Variants in DLGAP2 observed in about 807,000 individuals in gnomAD.
DLGAP2 encodes disks large-associated protein 2.
A neutral mutation model predicts 100.3 loss-of-function variants in DLGAP2; 26 were observed. The ratio of observed to expected loss-of-function variants is 0.26; its 90% CI spans 0.19 to 0.36. The LOEUF is 0.36. Ranked by LOEUF, DLGAP2 falls within the 10% of genes least tolerant of loss-of-function variation. DLGAP2 has a pLI of 1.00. For synonymous variants in DLGAP2, 886 were observed against 630.1 expected, an observed-to-expected ratio of 1.41 and a Z score of -6.08; for missense variants, 1,858 against 1,453.2, an observed-to-expected ratio of 1.28 and a Z score of -4.53.
chr8:1,085,437 A>G (rs572064314), intron 2 of DLGAP2, among the ~76,000 whole-genome samples: 95 of 152,280 alleles, frequency 6.2e-4, no homozygotes, highest in Non-Finnish European at 1.1e-3. Context: ...ACCCAGACCA[A>G]TATTATGTAG....
At chr8:1,539,111 C>G (rs1372849897) in intron 4 of DLGAP2, among the ~76,000 whole-genome samples, 1 of 152,124 alleles carries the variant, frequency 6.6e-6, no homozygotes, top group Non-Finnish European at 1.5e-5. Flanking sequence ...ATCTTGAACT[C>G]TCAACCTCAA....
intron 2 of DLGAP2, among the ~76,000 whole-genome samples, chr8:958,710 G>T (rs1004022234): frequency 6.6e-6 from 1 of 152,074 alleles, no homozygotes; most frequent in East Asian, 1.9e-4. Flanking sequence ...TCTGTATCTA[G>T]CATACCAAAG....
At chr8:1,482,654 C>T (rs189116096) in intron 3 of DLGAP2, among the ~76,000 whole-genome samples, 3 of 152,356 alleles carry the variant, frequency 2.0e-5, no homozygotes, top group South Asian at 4.1e-4. Context: ...CCACGGTTTC[C>T]GGGAGTCCCT....
intron 3 of DLGAP2, among the ~76,000 whole-genome samples, chr8:1,372,156 G>GTGGGGCGCAGGTCACCGTGGCGCCAACGC (rs1447227430): frequency 3.9e-5 from 6 of 152,100 alleles, no homozygotes; most frequent in African/African-American, 1.2e-4. Flanking sequence ...GATAGGGTGG[G>GTGGGGCGCAGGTCACCGTGGCGCCAACGC]TGGGGCGCAG....
chr8:1,616,598 T>G (rs1200994184), intron 6 of DLGAP2, among the ~76,000 whole-genome samples: 1 of 152,172 alleles, frequency 6.6e-6, no homozygotes, highest in African/African-American at 2.4e-5. Flanking sequence ...ACCTTTAAAG[T>G]GATCAAAAAC....
At chr8:1,649,391 T>G (rs1798113413) in intron 8 of DLGAP2, among the ~76,000 whole-genome samples, 1 of 152,194 alleles carries the variant, frequency 6.6e-6, no homozygotes, top group Admixed American at 6.5e-5. Flanking sequence ...CTATTTATAT[T>G]GTCAGCAGTG....
chr8:1,484,986 C>T (rs117292842), intron 3 of DLGAP2, among the ~76,000 whole-genome samples: 1 of 152,196 alleles, frequency 6.6e-6, no homozygotes, highest in African/African-American at 2.4e-5. Flanking sequence ...AAGGCATTAT[C>T]TTAAATTCCG....
intron 1 of DLGAP2, among the ~76,000 whole-genome samples, chr8:783,979 G>A (rs1821770483): frequency 6.6e-6 from 1 of 152,202 alleles, no homozygotes; most frequent in African/African-American, 2.4e-5. Flanking sequence ...ATTTCTGAAG[G>A]AGTTCCAAGG....
Position 1,322,571 on chromosome 8 carries a change from C to T in DLGAP2, c.106+63688C>T, listed in dbSNP as rs139846641. Among the ~76,000 whole-genome samples, 421 of 152,078 alleles carry T rather than the reference C, an allele frequency of 2.8e-3. 1 individual carries two copies. Among genetic ancestry groups the T allele is most frequent in the Non-Finnish European group, 5.0e-3 (339 of 67,980 alleles). On this transcript the variant is annotated intron_variant, in intron 3 of 14. Transcript: ENST00000637795. Reference sequence around the variant, plus strand: ...TGCATCCTGCTTCTGTGATTTCACACGTATTGTTCCATGGAAATGTGTGCG... The same window carrying T: ...TGCATCCTGCTTCTGTGATTTCACATGTATTGTTCCATGGAAATGTGTGCG...
At chr8:949,694 G>A (rs1490371195) in intron 2 of DLGAP2, among the ~76,000 whole-genome samples, 1 of 152,094 alleles carries the variant, frequency 6.6e-6, no homozygotes, top group African/African-American at 2.4e-5. Flanking sequence ...CCCTTGCAGT[G>A]TCCCCGGTTG....
chr8:1,598,828 T>C (rs772558953), intron 6 of DLGAP2, among the ~76,000 whole-genome samples: 1 of 152,196 alleles, frequency 6.6e-6, no homozygotes, highest in Non-Finnish European at 1.5e-5. Flanking sequence ...TCTAGATTCA[T>C]TGATTTTTTT....
chr8:981,439 G>A (rs1800328687), intron 2 of DLGAP2, among the ~76,000 whole-genome samples: 1 of 152,060 alleles, frequency 6.6e-6, no homozygotes, highest in Non-Finnish European at 1.5e-5. Context: ...CTTTGGCTTT[G>A]TATCTAGGAG....
chr8:1,080,554 C>G (rs999762971), intron 2 of DLGAP2, among the ~76,000 whole-genome samples: 1 of 152,110 alleles, frequency 6.6e-6, no homozygotes, highest in Non-Finnish European at 1.5e-5. Flanking sequence ...GCTCGCACGT[C>G]TGAAGTGGGG....
chr8:1,060,508 C>G (rs1306184730), intron 2 of DLGAP2, among the ~76,000 whole-genome samples: 1 of 152,194 alleles, frequency 6.6e-6, no homozygotes, highest in Non-Finnish European at 1.5e-5. Context: ...CTCTGTGGGT[C>G]TCTGTGTCCT....
intron 2 of DLGAP2, among the ~76,000 whole-genome samples, chr8:1,099,696 A>G (rs182263838): frequency 7.7e-4 from 117 of 152,382 alleles, no homozygotes; most frequent in African/African-American, 2.6e-3. Context: ...TTTGAAATCA[A>G]TTGGTTTACT....
At chr8:1,575,393 G>A (rs1289807613) in intron 6 of DLGAP2, among the ~76,000 whole-genome samples, 1 of 151,854 alleles carries the variant, frequency 6.6e-6, no homozygotes, top group Non-Finnish European at 1.5e-5. Flanking sequence ...AGAAGCTGGG[G>A]GTGCGGAAAA....
At chr8:979,386 C>G (rs1172930797) in intron 2 of DLGAP2, among the ~76,000 whole-genome samples, 1 of 152,226 alleles carries the variant, frequency 6.6e-6, no homozygotes, top group Non-Finnish European at 1.5e-5. Flanking sequence ...TAACAGCAGA[C>G]ATAATAGTCT....
chr8:1,155,925 C>G (rs1293792825), intron 2 of DLGAP2, among the ~76,000 whole-genome samples: 1 of 152,200 alleles, frequency 6.6e-6, no homozygotes, highest in Non-Finnish European at 1.5e-5. Context: ...GCCGAGGGAG[C>G]TTCGGGGCTC....
intron 12 of DLGAP2, 183 bp downstream of exon 12, chr8:1,678,812 C>G (rs752352415): frequency 4.5e-6 from 3 of 667,024 alleles, no homozygotes; most frequent in Non-Finnish European, 4.5e-6. Context: ...AAAAGAGAAG[C>G]AGTCACTACG....
Sources: allele counts gnomAD v4.1 joint callset (sites outside exome capture counted in the v4.1 genomes callset), GRCh38; gene constraint gnomAD v4.1.1; transcripts MANE v1.5; gene names NCBI Gene and HGNC (gene_info 2026-07-23, HGNC 2026-07-21).